The following BNC1 variants were observed in gnomAD, a reference collection of about 807,000 sequenced individuals.
The protein encoded by BNC1 is basonuclin zinc finger protein 1.
In BNC1, 8 loss-of-function variants were observed where a neutral mutation model predicts 66.5. The ratio of observed to expected loss-of-function variants is 0.12; its 90% CI spans 0.07 to 0.22. The LOEUF (loss-of-function observed/expected upper bound fraction) is 0.22. Among genes scored for constraint, BNC1 ranks in the 10% least tolerant of loss-of-function variants. BNC1 has a pLI of 1.00. For missense variants in BNC1, 1,069 were observed against 1,241.3 expected (o/e 0.86, Z 2.09); for synonymous variants, 454 against 452.6 (o/e 1.00, Z -0.04).
At chr15:83,275,731 G>C (rs2038314900) in intron 1 of BNC1, among the ~76,000 whole-genome samples, 1 of 152,136 alleles carries the variant, frequency 6.6e-6, no homozygotes, top group African/African-American at 2.4e-5. Flanking sequence ...GCACAATAGA[G>C]ATGGGTGTTC....
Position 83,268,158 on chromosome 15 carries a change from T to C in BNC1, c.174A>G (p.Gln58=), listed in dbSNP as rs758900884. 2.3e-5 allele frequency: 37 copies of C among 1,614,064 alleles called. 1 individual carries two copies. Among genetic ancestry groups the C allele is most frequent in the South Asian group, 6.6e-5 (6 of 91,082 alleles). The change falls in exon 2 of 5, where the codon CAA becomes CAG. Residue 58 remains glutamine, a synonymous_variant. Coordinates refer to ENST00000345382, the MANE Select transcript of BNC1 (RefSeq NM_001717.4). The part of the protein sequence containing the change: ...PGKINHRQCD[Q]CKHGWVAHAL... ...CGTGGGCCACCCATCCATGCTTGCA[T>C]TGGTCACACTGACGGTGGTTTATTT...
At chr15:83,280,172 A>G (rs2038364209) in intron 1 of BNC1, among the ~76,000 whole-genome samples, 2 of 152,238 alleles carry the variant, frequency 1.3e-5, no homozygotes, top group Non-Finnish European at 1.5e-5. Context: ...CACTACCTTA[A>G]AAGCCAAGCC....
In BNC1 at chr15:83,267,180, A is replaced by C. The variant is rs528502096; in HGVS notation, c.200-109T>G. On this transcript the variant is annotated intron_variant, in intron 2 of 4. Transcript: ENST00000345382. Reference sequence around the variant, plus strand: ...ATTCTTGGTTATTTATTCCACAGAAAATACATGAATATACAAATGATTAAA... The same window carrying C: ...ATTCTTGGTTATTTATTCCACAGAACATACATGAATATACAAATGATTAAA... The C allele has an allele frequency of 4.0e-6, 3 of 753,614 alleles. No homozygotes were observed. In the South Asian group the frequency reaches 5.3e-5, roughly 13 times the overall value. 46.7% of individuals were successfully genotyped at this position (753,614 alleles called of 1,614,324 possible).
chr15:83,275,197 G>A (rs2038307084), intron 1 of BNC1, among the ~76,000 whole-genome samples: 1 of 152,164 alleles, frequency 6.6e-6, no homozygotes, highest in Non-Finnish European at 1.5e-5. Flanking sequence ...TAAGGCAAGT[G>A]TTATGAAAGA....
In BNC1 at chr15:83,263,852, G is replaced by A. The variant is rs1356148518; in HGVS notation, c.1399C>T (p.Pro467Ser). 2.5e-6 allele frequency: 4 copies of A among 1,614,088 alleles called. No individual in the cohort carries two copies. The African/African-American group carries it at 4.0e-5, about 16-fold the overall frequency. The change falls in exon 4 of 5, where the codon CCA (proline) becomes TCA (serine). Residue 467 changes from proline to serine, a missense_variant. Pro to Ser is a moderately conservative substitution (Grantham distance 74, BLOSUM62 -1). Transcript: ENST00000345382. Reference sequence around the variant, plus strand: ...TTTTGCCCAATGTTTGGGAAGGCTGGTTGGCCTTTGGAATCCTCTCCTGAA... The same window carrying A: ...TTTTGCCCAATGTTTGGGAAGGCTGATTGGCCTTTGGAATCCTCTCCTGAA... ...PGSGEDSKGQ[P>S]AFPNIGQNGV... is the part of the protein sequence containing the mutation.
chr15:83,282,977 G>A (rs924638570), intron 1 of BNC1, among the ~76,000 whole-genome samples: 3 of 152,102 alleles, frequency 2.0e-5, no homozygotes, highest in Non-Finnish European at 4.4e-5. Context: ...CAGGCGTCTG[G>A]GCCGCTTTAA....
chr15:83,263,549 G>T lies in BNC1; in HGVS notation c.1702C>A (p.Pro568Thr). The change falls in exon 4 of 5, where the codon CCC (proline) becomes ACC (threonine). Residue 568 changes from proline to threonine, a missense_variant. Around this residue, in one of 7 missense-constraint regions of BNC1, gnomAD observed 657 missense variants for 715.8 expected, o/e 0.92. Coordinates refer to ENST00000345382, the MANE Select transcript of BNC1 (RefSeq NM_001717.4). ...TCATCTTCACTGACCACCTGTAGGG[G>T]CATGTCTTCATCTGAGCTGAGGTTG... ...RHNLSSDEDM[P>T]LQVVSEDEQE... is the part of the protein sequence containing the mutation. The T allele has an allele frequency of 6.2e-7, 1 of 1,614,226 alleles. No individual in the cohort carries two copies. Among genetic ancestry groups the T allele is most frequent in the Non-Finnish European group, 8.5e-7 (1 of 1,180,048 alleles).
chr15:83,273,615 C>G (rs1484697435), intron 1 of BNC1, among the ~76,000 whole-genome samples: 1 of 152,178 alleles, frequency 6.6e-6, no homozygotes, highest in East Asian at 1.9e-4. Flanking sequence ...TCGTAACTAT[C>G]GTTTTCTCAT....
chr15:83,264,957 T>C (rs931509379), intron 3 of BNC1, 142 bp from the exon 4 acceptor site: 3 of 796,674 alleles, frequency 3.8e-6, no homozygotes, highest in African/African-American at 1.7e-5. Flanking sequence ...ATTTAGTCCC[T>C]GCTCACCCTA....
At chr15:83,277,667 A>G (rs907123145) in intron 1 of BNC1, among the ~76,000 whole-genome samples, 3 of 152,294 alleles carry the variant, frequency 2.0e-5, no homozygotes, top group African/African-American at 2.4e-5. Context: ...GCTAACGTGC[A>G]TATCAAAAAC....
At chr15:83,278,587 G>A (rs1291687493) in intron 1 of BNC1, among the ~76,000 whole-genome samples, 1 of 152,132 alleles carries the variant, frequency 6.6e-6, no homozygotes, top group Non-Finnish European at 1.5e-5. Flanking sequence ...AATCAAATGT[G>A]TATCCTTTGC....
intron 1 of BNC1, among the ~76,000 whole-genome samples, chr15:83,284,005 G>A (rs1403211611): frequency 6.6e-6 from 1 of 152,234 alleles, no homozygotes; most frequent in South Asian, 2.1e-4. Context: ...TCAGTGACCG[G>A]AGGCTGCCGC....
intron 1 of BNC1, among the ~76,000 whole-genome samples, chr15:83,275,070 G>C (rs546262446): frequency 3.3e-5 from 5 of 152,322 alleles, no homozygotes; most frequent in African/African-American, 1.2e-4. Flanking sequence ...GCCAGGCATT[G>C]TTCTAAATTC....
chr15:83,282,265 C>A (rs1387461228), intron 1 of BNC1, among the ~76,000 whole-genome samples: 2 of 152,198 alleles, frequency 1.3e-5, no homozygotes, highest in Non-Finnish European at 2.9e-5. Flanking sequence ...ACACGTTCAA[C>A]CAACAGTTGA....
At chr15:83,279,747 A>T (rs866247499) in intron 1 of BNC1, among the ~76,000 whole-genome samples, 4 of 152,242 alleles carry the variant, frequency 2.6e-5, no homozygotes, top group Middle Eastern at 3.4e-3. Context: ...TTAAAAGGAG[A>T]TGTGGGGAGC....
intron 1 of BNC1, among the ~76,000 whole-genome samples, chr15:83,279,971 T>C (rs2038362254): frequency 6.6e-6 from 1 of 152,212 alleles, no homozygotes; most frequent in Non-Finnish European, 1.5e-5. Flanking sequence ...GTTTAAAGTA[T>C]GCATGACACA....
rs746509419 is a variant in BNC1 at position 83,263,576 on chromosome 15, G to A, written c.1675C>T (p.His559Tyr). ...ATGTCTTCATCTGAGCTGAGGTTGT[G>A]TCTTTTCTCATTAGCTATTTCCACA... Reference protein sequence around the residue: ...EAVEIANEKRHNLSSDEDMPL... With the variant: ...EAVEIANEKRYNLSSDEDMPL... The change falls in exon 4 of 5, where the codon CAC becomes TAC. Residue 559 changes from histidine to tyrosine, a missense_variant. Coordinates refer to ENST00000345382, the MANE Select transcript of BNC1 (RefSeq NM_001717.4). 1.2e-6 allele frequency: 2 copies of A among 1,614,220 alleles called. No individual in the cohort carries two copies. The highest frequency in any genetic ancestry group is 1.1e-5 in the South Asian group (1 of 91,078).
At chr15:83,271,919 T>C (rs1465232209) in intron 1 of BNC1, among the ~76,000 whole-genome samples, 1 of 152,246 alleles carries the variant, frequency 6.6e-6, no homozygotes, top group Non-Finnish European at 1.5e-5. Flanking sequence ...AGTTAAAGGA[T>C]ACAAGTGAGT....
In BNC1 at chr15:83,264,711, A is replaced by C. The variant is rs1488774163; in HGVS notation, c.540T>G (p.Val180=). The change falls in exon 4 of 5, where the codon GTT becomes GTG. Residue 180 remains valine (V), a synonymous_variant. Coordinates refer to ENST00000345382, the MANE Select transcript of BNC1 (RefSeq NM_001717.4). ...CTTTCTCTTGAATTGCCATGAGTTC[A>C]ACTATAGATTTGGTCTCTCCAAAAC... The part of the protein sequence containing the change: ...FLRFGETKSI[V]ELMAIQEKEE... 12 of 1,614,006 alleles carry C rather than the reference A, an allele frequency of 7.4e-6. No homozygotes were observed. The East Asian group carries it at 2.7e-4, about 36-fold the overall frequency.
Sources: gnomAD v4.1 joint callset for allele counts (sites outside exome capture counted in the v4.1 genomes callset) on GRCh38, gnomAD v4.1.1 for gene constraint, gnomAD v4.1.1 regional missense constraint, MANE v1.5 for transcripts, NCBI Gene and HGNC (gene_info 2026-07-23, HGNC 2026-07-21) for gene names.